Variants in SMC5 observed in about 807,000 individuals in gnomAD.
SMC5 encodes structural maintenance of chromosomes 5.
SMC5 carries 88 observed loss-of-function variants against 148.3 expected under a neutral mutation model. That is an observed-to-expected ratio of 0.59 (90% CI 0.50 to 0.71). The LOEUF is 0.71. Among genes scored for constraint, SMC5 ranks in the 30% least tolerant of loss-of-function variants. The pLI is 0.00. For synonymous variants in SMC5, 421 were observed against 432.8 expected, an observed-to-expected ratio of 0.97 and a Z score of 0.34; for missense variants, 1,142 against 1,298.9, an observed-to-expected ratio of 0.88 and a Z score of 1.86.
chr9:70,345,197 G>T (rs966635444), intron 18 of SMC5, among the ~76,000 whole-genome samples: 1 of 151,342 alleles, frequency 6.6e-6, no homozygotes, highest in Non-Finnish European at 1.5e-5. Flanking sequence ...TTCAGAAAAA[G>T]CATGATTCTA....
chr9:70,320,791 A>G (rs973735160), intron 15 of SMC5, among the ~76,000 whole-genome samples: 1 of 152,182 alleles, frequency 6.6e-6, no homozygotes, highest in East Asian at 1.9e-4. Context: ...AAAATTTATG[A>G]ATTTTACTGC....
intron 15 of SMC5, among the ~76,000 whole-genome samples, chr9:70,322,412 G>A (rs998903714): frequency 6.6e-6 from 1 of 152,178 alleles, no homozygotes; most frequent in Non-Finnish European, 1.5e-5. Flanking sequence ...TCCTACTTCT[G>A]TTCACTTTGG....
chr9:70,347,964 A>T lies in SMC5; in HGVS notation c.2815A>T (p.Ile939Phe). The T allele has an allele frequency of 6.2e-7, 1 of 1,607,408 alleles. No homozygotes were observed. Among genetic ancestry groups the T allele is most frequent in the Non-Finnish European group, 8.5e-7 (1 of 1,177,176 alleles). Reference sequence around the variant, plus strand: ...TCCTTTAAAAGAGCTGGTAGAAAAAATTAATGAAAAATTCAGCAATTTTTT... The same window carrying T: ...TCCTTTAAAAGAGCTGGTAGAAAAATTTAATGAAAAATTCAGCAATTTTTT... ...LNPLKELVEKINEKFSNFFSS... is the reference protein window; with the variant it reads ...LNPLKELVEKFNEKFSNFFSS... The change falls in exon 22 of 25, where the codon ATT becomes TTT. Residue 939 changes from isoleucine to phenylalanine, a missense_variant. Around this residue, in one of 5 missense-constraint regions of SMC5, gnomAD observed 743 missense variants for 835.7 expected, o/e 0.89. Coordinates refer to ENST00000361138, the MANE Select transcript of SMC5 (RefSeq NM_015110.4).
intron 15 of SMC5, among the ~76,000 whole-genome samples, chr9:70,319,555 T>G (rs1218814171): frequency 6.6e-6 from 1 of 152,146 alleles, no homozygotes; most frequent in Non-Finnish European, 1.5e-5. Flanking sequence ...AAATATGCAG[T>G]TGGAAAAGGA....
At chr9:70,315,160 T>C (rs1293238618) in intron 12 of SMC5, among the ~76,000 whole-genome samples, 3 of 151,986 alleles carry the variant, frequency 2.0e-5, no homozygotes, top group African/African-American at 7.2e-5. Flanking sequence ...AAAATGTTAA[T>C]TATAAAATAA....
chr9:70,306,114 A>G (rs1023261523), intron 11 of SMC5, among the ~76,000 whole-genome samples: 1 of 152,216 alleles, frequency 6.6e-6, no homozygotes, highest in South Asian at 2.1e-4. Context: ...TATTAGCTAT[A>G]TATGACATTC....
chr9:70,348,218 G>A (rs562222521), intron 22 of SMC5, among the ~76,000 whole-genome samples, 180 bp downstream of exon 22: 1 of 152,140 alleles, frequency 6.6e-6, no homozygotes, highest in East Asian at 1.9e-4. Flanking sequence ...TTTTTTGGGG[G>A]GGGTTATGTT....
intron 3 of SMC5, among the ~76,000 whole-genome samples, chr9:70,275,011 A>T (rs2034549545): frequency 6.6e-6 from 1 of 151,442 alleles, no homozygotes; most frequent in South Asian, 2.1e-4. Flanking sequence ...TCTATTTCTG[A>T]TTTTCTCTCT....
At chr9:70,338,263 G>A (rs972194154) in intron 17 of SMC5, among the ~76,000 whole-genome samples, 11 of 151,970 alleles carry the variant, frequency 7.2e-5, no homozygotes, top group African/African-American at 2.7e-4. Context: ...TTCCCACCTC[G>A]GCCTCCCAAA....
intron 3 of SMC5, among the ~76,000 whole-genome samples, chr9:70,271,157 CATTTT>C (rs2034440704): frequency 1.2e-4 from 1 of 8,182 alleles, no homozygotes; most frequent in Admixed American, 1.9e-3. Context: ...GATTTTGGAG[CATTTT>C]GGATTTTGGA....
intron 8 of SMC5, among the ~76,000 whole-genome samples, chr9:70,287,859 A>C (rs1290552857): frequency 6.6e-6 from 1 of 152,138 alleles, no homozygotes; most frequent in Non-Finnish European, 1.5e-5. Flanking sequence ...ATTTTTTAGA[A>C]GGAATAATCA....
intron 17 of SMC5, among the ~76,000 whole-genome samples, chr9:70,331,766 A>G (rs1485838520): frequency 6.6e-6 from 1 of 152,228 alleles, no homozygotes; most frequent in African/African-American, 2.4e-5. Flanking sequence ...CTTCGCGATG[A>G]TGAAGTAACA....
chr9:70,281,726 G>A (rs557687812), intron 6 of SMC5, among the ~76,000 whole-genome samples: 8 of 152,178 alleles, frequency 5.3e-5, no homozygotes, highest in African/African-American at 1.9e-4. Context: ...ATCATTTCAT[G>A]ATTCTTAAAT....
intron 3 of SMC5, among the ~76,000 whole-genome samples, chr9:70,276,993 C>T (rs1028161115): frequency 1.3e-4 from 20 of 152,086 alleles, no homozygotes; most frequent in South Asian, 2.1e-4. Context: ...TGAAGAATAG[C>T]ATAGTAATTA....
intron 2 of SMC5, among the ~76,000 whole-genome samples, chr9:70,265,824 T>TA (rs2034274343): frequency 6.6e-6 from 1 of 152,198 alleles, no homozygotes; most frequent in South Asian, 2.1e-4. Context: ...ATAATTCGAT[T>TA]CCCAACTCAA....
At chr9:70,323,760 G>T (rs530895354) in intron 16 of SMC5, among the ~76,000 whole-genome samples, 154 bp downstream of exon 16, 2 of 152,190 alleles carry the variant, frequency 1.3e-5, no homozygotes, top group Admixed American at 1.3e-4. Context: ...AGCTTGCTTA[G>T]TTGCTTGACA....
intron 8 of SMC5, among the ~76,000 whole-genome samples, chr9:70,287,160 T>C (rs2034927106): frequency 6.6e-6 from 1 of 152,230 alleles, no homozygotes; most frequent in Admixed American, 6.5e-5. Context: ...GGAAAAATCT[T>C]GTTTCAATTT....
At chr9:70,299,941 G>A (rs1183427904) in intron 9 of SMC5, 105 bp from the exon 10 acceptor site, 2 of 1,042,522 alleles carry the variant, frequency 1.9e-6, no homozygotes, top group Non-Finnish European at 2.6e-6. Flanking sequence ...GCTGAGTGGT[G>A]TTTGTAACCT....
chr9:70,297,863 A>G (rs2035241572), intron 8 of SMC5, 103 bp from the exon 9 acceptor site: 12 of 1,318,964 alleles, frequency 9.1e-6, no homozygotes, highest in Admixed American at 2.3e-5. Flanking sequence ...TGAGGAAAAC[A>G]CCTATGTTAG....
Sources: gnomAD v4.1 joint callset for allele counts (sites outside exome capture counted in the v4.1 genomes callset) on GRCh38, gnomAD v4.1.1 for gene constraint, gnomAD v4.1.1 regional missense constraint, MANE v1.5 for transcripts, NCBI Gene and HGNC (gene_info 2026-07-23, HGNC 2026-07-21) for gene names.